CA10: variants seen among roughly 807,000 people sequenced by gnomAD.
The protein encoded by CA10 is carbonic anhydrase-related protein 10.
Under a neutral mutation model 44.2 loss-of-function variants are expected in CA10, and 14 were observed. That is an observed-to-expected ratio of 0.32 (90% confidence interval 0.21 to 0.50). CA10 has a LOEUF of 0.50. CA10 is among the 20% of genes least tolerant of loss of function. CA10 has a pLI of 0.99. For synonymous variants in CA10, 159 were observed against 141.6 expected, an observed-to-expected ratio of 1.12 and a Z score of -0.87; for missense variants, 350 against 409.7, an observed-to-expected ratio of 0.85 and a Z score of 1.26.
chr17:51,873,409 A>G (rs1013704974), intron 3 of CA10, among the ~76,000 whole-genome samples: 1 of 152,194 alleles, frequency 6.6e-6, no homozygotes, highest in South Asian at 2.1e-4. Context: ...AGTGCAGTGC[A>G]TTAGGTAGTT....
At chr17:51,674,288 T>C (rs1409754355) in intron 4 of CA10, among the ~76,000 whole-genome samples, 1 of 152,232 alleles carries the variant, frequency 6.6e-6, no homozygotes, top group Non-Finnish European at 1.5e-5. Context: ...AACTGATTCC[T>C]TTCACAAGCA....
intron 4 of CA10, among the ~76,000 whole-genome samples, chr17:51,701,172 A>G (rs774944164): frequency 3.9e-5 from 6 of 151,928 alleles, no homozygotes; most frequent in African/African-American, 7.3e-5. Flanking sequence ...GATCTGTGCT[A>G]TGCTCTCTCC....
At chr17:51,657,915 A>G (rs1315128537) in intron 4 of CA10, among the ~76,000 whole-genome samples, 1 of 152,262 alleles carries the variant, frequency 6.6e-6, no homozygotes, top group African/African-American at 2.4e-5. Context: ...TTCATTAAAG[A>G]GATGCCTTGA....
intron 4 of CA10, among the ~76,000 whole-genome samples, chr17:51,684,333 A>G (rs1914939697): frequency 6.6e-6 from 1 of 152,202 alleles, no homozygotes; most frequent in Non-Finnish European, 1.5e-5. Context: ...GAACTATAAG[A>G]TAATAAATGT....
chr17:51,657,964 G>C (rs1913856290), intron 4 of CA10, among the ~76,000 whole-genome samples: 1 of 152,180 alleles, frequency 6.6e-6, no homozygotes, highest in South Asian at 2.1e-4. Flanking sequence ...CATGTGAAAG[G>C]GTTAAACCTG....
At chr17:51,650,196 A>C (rs1458944428) in intron 5 of CA10, among the ~76,000 whole-genome samples, 4 of 152,160 alleles carry the variant, frequency 2.6e-5, no homozygotes, top group Non-Finnish European at 4.4e-5. Flanking sequence ...GTGGCCCTAC[A>C]TAAGAAAAGG....
intron 4 of CA10, among the ~76,000 whole-genome samples, chr17:51,684,116 G>C (rs1914932900): frequency 6.6e-6 from 1 of 152,222 alleles, no homozygotes; most frequent in South Asian, 2.1e-4. Flanking sequence ...TAATCACAAG[G>C]ATCCTTCCAA....
At chr17:52,052,104 A>G in intron 2 of CA10, among the ~76,000 whole-genome samples, 1 of 151,932 alleles carries the variant, frequency 6.6e-6, no homozygotes, top group Non-Finnish European at 1.5e-5. Context: ...CATAGAGGGT[A>G]ACAATACATA....
chr17:52,062,829 G>C (rs1330418937), intron 2 of CA10, among the ~76,000 whole-genome samples: 1 of 152,244 alleles, frequency 6.6e-6, no homozygotes, highest in East Asian at 1.9e-4. Context: ...AGCTCCTACA[G>C]GGAGCCTCTA....
chr17:52,114,683 A>G (rs1364829454), intron 1 of CA10, among the ~76,000 whole-genome samples: 2 of 152,220 alleles, frequency 1.3e-5, no homozygotes, highest in Admixed American at 6.5e-5. Flanking sequence ...AAATGGAGCT[A>G]TAACAAGTTG....
chr17:51,811,213 G>A (rs1907352236), intron 3 of CA10, among the ~76,000 whole-genome samples: 1 of 149,446 alleles, frequency 6.7e-6, no homozygotes, highest in African/African-American at 2.5e-5. Context: ...AAAAAATTCT[G>A]AATGCAAACA....
rs543962926 is a variant in CA10 at position 51,801,500 on chromosome 17, A to C, written c.280-53682T>G. Among the ~76,000 whole-genome samples the C allele has an allele frequency of 8.5e-5, 13 of 152,190 alleles. No individual in the cohort carries two copies. The South Asian group carries it at 2.1e-3, about 24-fold the overall frequency. ...ACTAGAGGAAAAAAATTAAAAAAAA[A>C]CAGGCTCTTCAGTTTTGTCTTCCAT... On this transcript the variant is annotated intron_variant, in intron 3 of 8. Transcript: ENST00000451037.
At chr17:51,886,257 G>A (rs1980595254) in intron 3 of CA10, among the ~76,000 whole-genome samples, 1 of 152,044 alleles carries the variant, frequency 6.6e-6, no homozygotes, top group Non-Finnish European at 1.5e-5. Context: ...GAGAAGGAGT[G>A]GCTATAAAAA....
chr17:51,823,395 C>T (rs187643238), intron 3 of CA10, among the ~76,000 whole-genome samples: 107 of 152,330 alleles, frequency 7.0e-4, no homozygotes, highest in African/African-American at 2.5e-3. Context: ...GTCCTCTACT[C>T]GTGGTTGGAC....
chr17:51,909,330 G>A (rs893046159), intron 3 of CA10, among the ~76,000 whole-genome samples: 5 of 152,152 alleles, frequency 3.3e-5, no homozygotes, highest in Admixed American at 2.6e-4. Flanking sequence ...GGTCAGGCTT[G>A]CAGAATTAGT....
At chr17:52,042,441 T>A (rs543568730) in intron 2 of CA10, among the ~76,000 whole-genome samples, 291 of 152,014 alleles carry the variant, frequency 1.9e-3, no homozygotes, top group Middle Eastern at 6.8e-3. Flanking sequence ...AAATTAGGGG[T>A]TTTTTTGTTT....
chr17:52,147,849 G>A (rs1350933886), intron 1 of CA10, among the ~76,000 whole-genome samples: 2 of 151,842 alleles, frequency 1.3e-5, no homozygotes, highest in Non-Finnish European at 2.9e-5. Flanking sequence ...TAACAATAGG[G>A]CCCCTTTTTT....
Position 51,849,194 on chromosome 17 carries a change from T to TAC in CA10, c.279+81795_279+81796insGT, listed in dbSNP as rs1978652203. ...ATATATACATATATGTATATATATATATACATATATGTATATATATATATA... is the reference window on the plus strand; with the variant it reads ...ATATATACATATATGTATATATATATACATACATATATGTATATATATATATA... On this transcript the variant is annotated intron_variant, in intron 3 of 8. Transcript: ENST00000451037. Among the ~76,000 whole-genome samples the TAC allele has an allele frequency of 2.9e-5, 2 of 67,854 alleles. 1 individual carries two copies. Among genetic ancestry groups the TAC allele is most frequent in the Non-Finnish European group, 5.1e-5 (2 of 39,496 alleles). 44.5% of individuals were successfully genotyped at this position (67,854 alleles called of 152,430 possible).
intron 1 of CA10, among the ~76,000 whole-genome samples, chr17:52,097,725 G>C (rs1988440028): frequency 6.6e-6 from 1 of 151,992 alleles, no homozygotes; most frequent in African/African-American, 2.4e-5. Context: ...TAAAACCTGG[G>C]TCAAGTCATC....
Sources: gnomAD v4.1 joint callset for allele counts (sites outside exome capture counted in the v4.1 genomes callset) on GRCh38, gnomAD v4.1.1 for gene constraint, MANE v1.5 for transcripts, NCBI Gene and HGNC (gene_info 2026-07-23, HGNC 2026-07-21) for gene names.